Variants in CDH4 observed in about 807,000 individuals in gnomAD.
CDH4 encodes the protein cadherin 4.
A neutral mutation model predicts 86.0 loss-of-function variants in CDH4; 33 were observed. The observed-to-expected ratio is 0.38, with a 90% CI of 0.29 to 0.51. The LOEUF (loss-of-function observed/expected upper bound fraction) is 0.51. Among genes scored for constraint, CDH4 ranks in the 20% least tolerant of loss-of-function variants. The pLI is 0.86. For synonymous variants in CDH4, 555 were observed against 549.4 expected (o/e 1.01, Z -0.14); for missense variants, 1,114 against 1,307.4 (o/e 0.85, Z 2.28).
At chr20:61,333,753 G>C (rs1344281921) in intron 2 of CDH4, among the ~76,000 whole-genome samples, 1 of 152,246 alleles carries the variant, frequency 6.6e-6, no homozygotes, top group Non-Finnish European at 1.5e-5. Context: ...GTGGTTTACT[G>C]CCCTTGTATC....
At chr20:61,383,416 T>C (rs1233632613) in intron 2 of CDH4, among the ~76,000 whole-genome samples, 1 of 5,192 alleles carries the variant, frequency 1.9e-4, no homozygotes, top group African/African-American at 4.2e-4. Flanking sequence ...ATATATATGA[T>C]ATATATGATA....
At chr20:61,706,367 G>A (rs1177135337) in intron 2 of CDH4, among the ~76,000 whole-genome samples, 2 of 152,140 alleles carry the variant, frequency 1.3e-5, no homozygotes, top group East Asian at 3.9e-4. Context: ...ACCACCCGAG[G>A]CACCGACAAC....
At chr20:61,826,750 G>GTAT (rs997079882) in intron 4 of CDH4, among the ~76,000 whole-genome samples, 1 of 152,194 alleles carries the variant, frequency 6.6e-6, no homozygotes, top group Admixed American at 6.5e-5. Context: ...TGATGGCCTA[G>GTAT]GATAGCATTC....
At chr20:61,409,542 A>G (rs1443241243) in intron 2 of CDH4, among the ~76,000 whole-genome samples, 1 of 152,220 alleles carries the variant, frequency 6.6e-6, no homozygotes, top group Admixed American at 6.5e-5. Flanking sequence ...GTCGGGACTC[A>G]CCGTCGCCAC....
intron 7 of CDH4, among the ~76,000 whole-genome samples, chr20:61,886,986 C>T (rs892174737): frequency 2.6e-5 from 4 of 152,162 alleles, no homozygotes; most frequent in African/African-American, 9.7e-5. Context: ...ATAAATGTGT[C>T]GAAACCTCCA....
At chr20:61,847,567 G>A (rs561993877) in intron 5 of CDH4, among the ~76,000 whole-genome samples, 145 of 152,382 alleles carry the variant, frequency 9.5e-4, no homozygotes, top group African/African-American at 3.1e-3. Flanking sequence ...TAAACACGCT[G>A]TGTAAACATG....
At chr20:61,540,985 A>G (rs768081532) in intron 2 of CDH4, among the ~76,000 whole-genome samples, 1 of 152,200 alleles carries the variant, frequency 6.6e-6, no homozygotes, top group Non-Finnish European at 1.5e-5. Context: ...ATGTTCCATC[A>G]TAAATTGTCA....
intron 2 of CDH4, among the ~76,000 whole-genome samples, chr20:61,578,246 T>C (rs2086399018): frequency 6.6e-6 from 1 of 152,174 alleles, no homozygotes; most frequent in Admixed American, 6.5e-5. Context: ...CTACTGAGAA[T>C]GTGTTGGGCA....
rs952514332 is a variant in CDH4 at position 61,810,319 on chromosome 20, G to A, written c.577-34349G>A. On this transcript the variant is annotated intron_variant, in intron 4 of 15. Transcript: ENST00000614565. This position sits in a 1 kb window ranked among gnomAD's most constrained non-coding sequence, Gnocchi z 4.3. The stretch of plus-strand genomic sequence containing the variant: ...GTCGGGGCGGCTGTGCCAGGCTGTC[G>A]TCCCCCCCATGAGCCTGCTGTGTGT... 1.1e-4 allele frequency among the ~76,000 whole-genome samples: 17 copies of A among 152,314 alleles called. No individual in the cohort carries two copies. The highest frequency in any genetic ancestry group is 5.9e-4 in the Admixed American group (9 of 15,304).
intron 2 of CDH4, among the ~76,000 whole-genome samples, chr20:61,594,755 G>T (rs1159542484): frequency 2.6e-5 from 4 of 152,140 alleles, no homozygotes; most frequent in African/African-American, 9.7e-5. Flanking sequence ...AGAGCGCTGG[G>T]TCCCCTCGGC....
intron 4 of CDH4, among the ~76,000 whole-genome samples, chr20:61,838,640 C>A (rs1024432003): frequency 5.3e-5 from 8 of 151,978 alleles, no homozygotes; most frequent in Non-Finnish European, 1.2e-4. Flanking sequence ...AACCCCGTCT[C>A]TCCTAAAAGT....
intron 2 of CDH4, among the ~76,000 whole-genome samples, chr20:61,652,938 A>ATTTATT (rs1555819716): frequency 9.2e-5 from 9 of 97,426 alleles, no homozygotes; most frequent in African/African-American, 2.7e-4. Context: ...TTATTTATTT[A>ATTTATT]TTTTTTTTTT....
At chr20:61,460,112 T>G (rs2085433366) in intron 2 of CDH4, among the ~76,000 whole-genome samples, 1 of 152,176 alleles carries the variant, frequency 6.6e-6, no homozygotes, top group Admixed American at 6.5e-5. Flanking sequence ...AATAAATATT[T>G]GTTAAATGAA....
chr20:61,844,565 G>A, intron 4 of CDH4, 103 bp from the exon 5 acceptor site: 6 of 1,121,722 alleles, frequency 5.3e-6, no homozygotes, highest in South Asian at 5.0e-5. Context: ...CCTGAAAATG[G>A]TCGAGCTCGA....
At chr20:61,307,450 A>G (rs1253467676) in intron 2 of CDH4, among the ~76,000 whole-genome samples, 1 of 152,162 alleles carries the variant, frequency 6.6e-6, no homozygotes, top group Non-Finnish European at 1.5e-5. Context: ...CTCAGCACCT[A>G]CATGCTCCAA....
intron 2 of CDH4, among the ~76,000 whole-genome samples, chr20:61,641,532 C>A (rs1473991864): frequency 6.6e-6 from 1 of 152,262 alleles, no homozygotes; most frequent in Admixed American, 6.5e-5. Flanking sequence ...CCTCAGCACC[C>A]TTGGTTTAGC....
At chr20:61,315,613 C>T (rs181101983) in intron 2 of CDH4, among the ~76,000 whole-genome samples, 6 of 152,286 alleles carry the variant, frequency 3.9e-5, no homozygotes, top group Non-Finnish European at 5.9e-5. Context: ...TGGACCTGTT[C>T]GTCATGAGGC....
Position 61,831,668 on chromosome 20 carries a change from G to C in CDH4, c.577-13000G>C, listed in dbSNP as rs75718600. On this transcript the variant is annotated intron_variant, in intron 4 of 15. Coordinates refer to ENST00000614565, the MANE Select transcript of CDH4 (RefSeq NM_001794.5). ...CACAGTGCAGCCTCCTCCCCCTCAG[G>C]ACCCCAGGCCCACCCTGCACACCCT... Among the ~76,000 whole-genome samples, 490 of 152,304 alleles carry C rather than the reference G, an allele frequency of 3.2e-3. 2 individuals carry two copies. Among genetic ancestry groups the C allele is most frequent in the African/African-American group, 0.011 (469 of 41,566 alleles).
intron 6 of CDH4, among the ~76,000 whole-genome samples, chr20:61,861,280 C>T (rs527419422): frequency 2.6e-5 from 4 of 152,284 alleles, no homozygotes; most frequent in Admixed American, 1.3e-4. Context: ...GAAATGCGGC[C>T]GGCGGCATTC....
Sources: allele counts gnomAD v4.1 joint callset (sites outside exome capture counted in the v4.1 genomes callset), GRCh38; gene constraint gnomAD v4.1.1; non-coding constraint Gnocchi (gnomAD v3.1); transcripts MANE v1.5; gene names NCBI Gene and HGNC (gene_info 2026-07-23, HGNC 2026-07-21).